Variants in RAPGEF1 observed in about 807,000 individuals in gnomAD.
The protein encoded by RAPGEF1 is Rap guanine nucleotide exchange factor 1.
A neutral mutation model predicts 143.3 loss-of-function variants in RAPGEF1; 33 were observed. That is an observed-to-expected ratio of 0.23 (90% CI 0.17 to 0.31). The LOEUF (loss-of-function observed/expected upper bound fraction) is 0.31. Among genes scored for constraint, RAPGEF1 ranks in the 10% least tolerant of loss-of-function variants. The pLI is 1.00. For missense variants in RAPGEF1, 1,199 were observed against 1,645.4 expected (o/e 0.73, Z 4.69); for synonymous variants, 629 against 676.5 (o/e 0.93, Z 1.09).
chr9:131,713,546 A>G (rs1000108422), intron 1 of RAPGEF1, among the ~76,000 whole-genome samples: 1 of 152,228 alleles, frequency 6.6e-6, no homozygotes. Flanking sequence ...GGCACTTCCT[A>G]GCTGAACAAC....
At chr9:131,614,954 T>C (rs1958685644) in intron 12 of RAPGEF1, among the ~76,000 whole-genome samples, 1 of 152,148 alleles carries the variant, frequency 6.6e-6, no homozygotes, top group Non-Finnish European at 1.5e-5. Flanking sequence ...GCCAAGATGG[T>C]AAAGAAATAT....
At chr9:131,726,316 T>C (rs1372904113) in intron 1 of RAPGEF1, among the ~76,000 whole-genome samples, 1 of 151,900 alleles carries the variant, frequency 6.6e-6, no homozygotes, top group East Asian at 1.9e-4. Context: ...TGCAAATCTA[T>C]AGGTATAGAT....
rs767661077 is a variant in RAPGEF1 at position 131,602,027 on chromosome 9, C to T, written c.2501+34G>A. On this transcript the variant is annotated intron_variant, in intron 15 of 26. Transcript: ENST00000683357. ...GCCTCATGAGTGGGCGCACTGCTCTCGGGGGACCCAGCTCCTCTGGGTCCA... is the reference window on the plus strand; with the variant it reads ...GCCTCATGAGTGGGCGCACTGCTCTTGGGGGACCCAGCTCCTCTGGGTCCA... 3.6e-5 allele frequency: 55 copies of T among 1,535,490 alleles called. 1 individual carries two copies. The highest frequency in any genetic ancestry group is 3.4e-4 in the Middle Eastern group (2 of 5,928).
At chr9:131,706,971 A>G (rs1184598350) in intron 1 of RAPGEF1, among the ~76,000 whole-genome samples, 1 of 152,216 alleles carries the variant, frequency 6.6e-6, no homozygotes, top group Non-Finnish European at 1.5e-5. Flanking sequence ...CAAAACCACA[A>G]AATAAAACAT....
Position 131,714,705 on chromosome 9 carries a change from CTTTTTTTTTTTTT to C in RAPGEF1, c.61+25052_61+25064del, listed in dbSNP as rs10568442. ...TCTTCTGGGGTCCTCTAGACTCTGC[CTTTTTTTTTTTTT>C]TTTTTTTTTGAGACAGTCTCCCTCT... On this transcript the variant is annotated intron_variant, in intron 1 of 26. Transcript: ENST00000683357. 5.2e-5 allele frequency among the ~76,000 whole-genome samples: 6 copies of C among 114,682 alleles called. No individual in the cohort carries two copies. The South Asian group carries it at 9.3e-4, about 18-fold the overall frequency. 75.2% of individuals were successfully genotyped at this position (114,682 alleles called of 152,430 possible). A position where few individuals can be genotyped will look rare whatever the true frequency, so the allele number is the denominator to read the frequency against.
intron 1 of RAPGEF1, among the ~76,000 whole-genome samples, chr9:131,715,665 A>G (rs938236671): frequency 6.6e-6 from 1 of 151,906 alleles, no homozygotes; most frequent in Non-Finnish European, 1.5e-5. Flanking sequence ...GGAGATAGAG[A>G]CCATCCTGGC....
intron 1 of RAPGEF1, among the ~76,000 whole-genome samples, chr9:131,684,498 T>C (rs562473777): frequency 1.5e-4 from 23 of 152,346 alleles, no homozygotes; most frequent in Non-Finnish European, 3.1e-4. Context: ...AGAATGAATC[T>C]TTCCCTAAAA....
At chr9:131,660,368 G>A (rs1168899703) in intron 1 of RAPGEF1, among the ~76,000 whole-genome samples, 2 of 151,610 alleles carry the variant, frequency 1.3e-5, no homozygotes, top group African/African-American at 4.8e-5. Flanking sequence ...AAAAATCCAA[G>A]CACTGTAAAA....
chr9:131,653,645 T>C (rs201312085), intron 1 of RAPGEF1, among the ~76,000 whole-genome samples: 1 of 152,234 alleles, frequency 6.6e-6, no homozygotes, highest in East Asian at 1.9e-4. Flanking sequence ...TGGTGAGGAC[T>C]GGAGAAACTG....
intron 12 of RAPGEF1, among the ~76,000 whole-genome samples, chr9:131,605,765 T>TTC (rs1020384388): frequency 3.6e-4 from 3 of 8,290 alleles, no homozygotes; most frequent in African/African-American, 2.3e-3. Flanking sequence ...CTTTCTTTCT[T>TTC]TTTTTTTTTT....
In RAPGEF1 at chr9:131,626,255, G is replaced by C. The variant is rs1365084985; in HGVS notation, c.1369C>G (p.Pro457Ala). The C allele has an allele frequency of 6.2e-7, 1 of 1,613,860 alleles. No homozygotes were observed. Among genetic ancestry groups the C allele is most frequent in the Non-Finnish European group, 8.5e-7 (1 of 1,179,866 alleles). ...TGCCCTGGGGCCAGAGGTCCGTCTG[G>C]CTGGGGATGGCCGCCAAGAGGCAGC... Reference protein sequence around the residue: ...FQLPLGGHPQPDGPLAPGQQT... With the variant: ...FQLPLGGHPQADGPLAPGQQT... The change falls in exon 10 of 27, where the codon CCA becomes GCA. Residue 457 changes from proline to alanine, a missense_variant. Pro to Ala is a conservative substitution (Grantham distance 27, BLOSUM62 -1). Around this residue, in one of 6 missense-constraint regions of RAPGEF1, gnomAD observed 613 missense variants for 710.9 expected, o/e 0.86. Coordinates refer to ENST00000683357, the MANE Select transcript of RAPGEF1 (RefSeq NM_001377935.1).
At chr9:131,632,111 A>G (rs1041330384) in intron 5 of RAPGEF1, among the ~76,000 whole-genome samples, 3 of 151,178 alleles carry the variant, frequency 2.0e-5, no homozygotes, top group East Asian at 1.9e-4. Context: ...CAGGTGAGAG[A>G]GGTGAGAGAT....
At position 131,650,327 on chromosome 9, in the gene RAPGEF1, G is replaced by A; in HGVS notation, c.202-85C>T. 2.0e-6 allele frequency: 2 copies of A among 1,010,748 alleles called. No individual in the cohort carries two copies. Among genetic ancestry groups the A allele is most frequent in the Non-Finnish European group, 3.0e-6 (2 of 675,044 alleles). 62.6% of individuals were successfully genotyped at this position (1,010,748 alleles called of 1,614,324 possible). A position where few individuals can be genotyped will look rare whatever the true frequency, so the allele number is the denominator to read the frequency against. ...GAGGGGTTGATGAAAGTCAATAGCT[G>A]TTTCAACATATCTGGCTTGACTGGC... On this transcript the variant is annotated intron_variant, in intron 2 of 26. Coordinates refer to ENST00000683357, the MANE Select transcript of RAPGEF1 (RefSeq NM_001377935.1). This position sits in a 1 kb window ranked among gnomAD's most constrained non-coding sequence, Gnocchi z 4.7.
At chr9:131,694,483 G>C (rs780946436) in intron 1 of RAPGEF1, among the ~76,000 whole-genome samples, 2 of 152,202 alleles carry the variant, frequency 1.3e-5, no homozygotes, top group Admixed American at 1.3e-4. Context: ...GTGCTCAAAG[G>C]TTTGTTAAAA....
intron 1 of RAPGEF1, among the ~76,000 whole-genome samples, chr9:131,726,038 T>A (rs941014767): frequency 7.2e-5 from 11 of 151,878 alleles, no homozygotes; most frequent in African/African-American, 2.7e-4. Flanking sequence ...GGATTACAGG[T>A]GTGAGCCACT....
At chr9:131,725,482 G>A (rs1037125937) in intron 1 of RAPGEF1, 2 of 151,014 alleles carry the variant, frequency 1.3e-5, no homozygotes, top group Middle Eastern at 3.5e-3. Context: ...TTTCTTTTTC[G>A]GGGTCTCACT....
At chr9:131,623,186 G>A (rs1260359272) in intron 10 of RAPGEF1, among the ~76,000 whole-genome samples, 3 of 152,130 alleles carry the variant, frequency 2.0e-5, no homozygotes, top group Admixed American at 6.5e-5. Flanking sequence ...AAATATGACC[G>A]GGCGCACTGG....
intron 22 of RAPGEF1, among the ~76,000 whole-genome samples, chr9:131,586,175 G>A (rs958537875): frequency 9.2e-5 from 14 of 151,628 alleles, no homozygotes; most frequent in Non-Finnish European, 1.6e-4. Context: ...CAGCCTGGGC[G>A]GCAGAGCCAG....
intron 25 of RAPGEF1, among the ~76,000 whole-genome samples, chr9:131,581,331 C>T (rs1417407155): frequency 6.6e-6 from 1 of 152,018 alleles, no homozygotes; most frequent in Non-Finnish European, 1.5e-5. Context: ...GAGTTCAAGG[C>T]TGCAGTGAGC....
Sources: allele counts gnomAD v4.1 joint callset (sites outside exome capture counted in the v4.1 genomes callset), GRCh38; gene constraint gnomAD v4.1.1; regional missense constraint gnomAD v4.1.1; non-coding constraint Gnocchi (gnomAD v3.1); transcripts MANE v1.5; gene names NCBI Gene and HGNC (gene_info 2026-07-23, HGNC 2026-07-21).